Variants in FAM169A observed in about 807,000 individuals in gnomAD.
FAM169A encodes the protein family with sequence similarity 169 member A, also known as soluble lamin-associated protein of 75 kDa.
FAM169A carries 24 observed loss-of-function variants against 75.7 expected under a neutral mutation model. The ratio of observed to expected loss-of-function variants is 0.32; its 90% CI spans 0.23 to 0.45. The LOEUF (loss-of-function observed/expected upper bound fraction) is 0.45, where lower values mean the gene tolerates loss of function less well. FAM169A is among the 20% of genes least tolerant of loss of function. The pLI is 1.00. For synonymous variants in FAM169A, 271 were observed against 271.0 expected, an observed-to-expected ratio of 1.00 and a Z score of 0.00; for missense variants, 673 against 784.0, an observed-to-expected ratio of 0.86 and a Z score of 1.69.
chr5:74,838,001 C>T (rs893918591), intron 4 of FAM169A, among the ~76,000 whole-genome samples: 1 of 150,962 alleles, frequency 6.6e-6, no homozygotes, highest in African/African-American at 2.4e-5. Flanking sequence ...TCTGTAATCC[C>T]AGCTACTCGG....
chr5:74,866,885 G>A, upstream of FAM169A: 1 of 985,524 alleles, frequency 1.0e-6, no homozygotes, highest in Non-Finnish European at 1.2e-6. Flanking sequence ...AGGACCGCCG[G>A]CCTCCGCCCC....
intron 5 of FAM169A, among the ~76,000 whole-genome samples, chr5:74,832,664 T>C (rs1450736613): frequency 1.3e-5 from 2 of 149,448 alleles, no homozygotes; most frequent in Admixed American, 6.7e-5. Flanking sequence ...CATTTATTTA[T>C]ATATATATAC....
At chr5:74,797,714 G>A (rs1746352293) in intron 10 of FAM169A, among the ~76,000 whole-genome samples, 1 of 152,100 alleles carries the variant, frequency 6.6e-6, no homozygotes, top group Non-Finnish European at 1.5e-5. Flanking sequence ...ATCATACTGG[G>A]CAGTGTAAAT....
intron 11 of FAM169A, among the ~76,000 whole-genome samples, chr5:74,795,562 T>C (rs1479588126): frequency 6.6e-6 from 1 of 152,236 alleles, no homozygotes; most frequent in Non-Finnish European, 1.5e-5. Context: ...AATTTAGTTA[T>C]TTTTCCAGAA....
chr5:74,788,355 G>A (rs1303438377), intron 11 of FAM169A, among the ~76,000 whole-genome samples: 1 of 152,118 alleles, frequency 6.6e-6, no homozygotes, highest in African/African-American at 2.4e-5. Flanking sequence ...GTGGGGTGAG[G>A]GCTATTATGG....
At chr5:74,840,471 T>C (rs1580150824) in intron 2 of FAM169A, among the ~76,000 whole-genome samples, 1 of 150,236 alleles carries the variant, frequency 6.7e-6, no homozygotes. Context: ...AAAAAACAAC[T>C]ATAATTTATC....
At position 74,834,584 on chromosome 5, in the gene FAM169A, C is replaced by G; in HGVS notation, c.332G>C (p.Gly111Ala). ...CAGAACATACAGAACCACTCTCTCCCCAAGAGTGCTCACCTACAAAGAGAG... is the reference window on the plus strand; with the variant it reads ...CAGAACATACAGAACCACTCTCTCCGCAAGAGTGCTCACCTACAAAGAGAG... Reference protein sequence around the residue: ...REGLKQVSTLGERVVLYVLNR... With the variant: ...REGLKQVSTLAERVVLYVLNR... Residue 111 changes from glycine to alanine, a missense_variant, in exon 5 of 13, where the codon GGG (glycine) becomes GCG (alanine). This residue lies in a region of FAM169A where 107 missense variants were observed against 180.8 expected (regional missense o/e 0.59). Coordinates refer to ENST00000687041, the MANE Select transcript of FAM169A (RefSeq NM_001376049.1). The G allele has an allele frequency of 6.4e-7, 1 of 1,564,726 alleles. No individual in the cohort carries two copies. Among genetic ancestry groups the G allele is most frequent in the Non-Finnish European group, 8.6e-7 (1 of 1,159,596 alleles).
Position 74,866,350 on chromosome 5 carries a change from G to C in FAM169A, c.-189C>G, listed in dbSNP as rs1008641291. The C allele has an allele frequency of 2.0e-4, 197 of 984,354 alleles. No individual in the cohort carries two copies. The highest frequency in any genetic ancestry group is 2.3e-4 in the Non-Finnish European group (190 of 829,650). The allele number at this position is 984,354 out of a possible 1,614,324, so 61.0% of individuals were successfully genotyped here. A position where few individuals can be genotyped will look rare whatever the true frequency, so the allele number is the denominator to read the frequency against. ...ACGCCCGGCTCCTCGTCGCGGGTCG[G>C]CCGCGGCCCACCGTGCCCTCCGACG... On this transcript the variant is annotated 5_prime_UTR_variant, in exon 1 of 13. Coordinates refer to ENST00000687041, the MANE Select transcript of FAM169A (RefSeq NM_001376049.1).
chr5:74,837,563 G>A (rs575428075), intron 4 of FAM169A, among the ~76,000 whole-genome samples: 31 of 152,192 alleles, frequency 2.0e-4, no homozygotes, highest in African/African-American at 6.5e-4. Context: ...CTAGTAACCC[G>A]CAAGTTTCTT....
rs1238276714 is a variant in FAM169A, at chr5:74,802,385, T to TA, written c.913-757dup. On this transcript the variant is annotated intron_variant, in intron 8 of 12. Coordinates refer to ENST00000687041, the MANE Select transcript of FAM169A (RefSeq NM_001376049.1). Reference sequence around the variant, plus strand: ...ATCACAAATTGTACCATTTTTTTGATAAAAAAAAAAAGAGGAAAAAACTTT... The same window carrying TA: ...ATCACAAATTGTACCATTTTTTTGATAAAAAAAAAAAAGAGGAAAAAACTTT... Among the ~76,000 whole-genome samples, 486 of 142,024 alleles carry TA rather than the reference T, an allele frequency of 3.4e-3. 2 individuals are homozygous for TA. Among genetic ancestry groups the TA allele is most frequent in the African/African-American group, 6.4e-3 (249 of 38,958 alleles). 93.2% of individuals were successfully genotyped at this position (142,024 alleles called of 152,430 possible).
At chr5:74,832,825 G>C (rs1322741298) in intron 5 of FAM169A, among the ~76,000 whole-genome samples, 3 of 151,832 alleles carry the variant, frequency 2.0e-5, no homozygotes, top group African/African-American at 7.3e-5. Context: ...GCTAGTATAA[G>C]CCCACTTAAC....
intron 11 of FAM169A, among the ~76,000 whole-genome samples, chr5:74,786,891 C>G (rs973228076): frequency 6.6e-6 from 1 of 152,134 alleles, no homozygotes. Context: ...AATGGGGACA[C>G]GTGGGAGGAC....
At chr5:74,845,446 A>C (rs1453655057) in intron 1 of FAM169A, among the ~76,000 whole-genome samples, 1 of 152,134 alleles carries the variant, frequency 6.6e-6, no homozygotes, top group Non-Finnish European at 1.5e-5. Context: ...TGAACCTGTG[A>C]GGTGGAGGTT....
chr5:74,827,811 C>T lies in FAM169A; in HGVS notation c.490+6615G>A, dbSNP rs757802469. On this transcript the variant is annotated intron_variant, in intron 5 of 12. Transcript: ENST00000687041. The stretch of plus-strand genomic sequence containing the variant: ...CTGAGTAGCTGGAATTACAGGAACC[C>T]GCCATCATGCCCGGCTAATTTTTGT... Among the ~76,000 whole-genome samples, 6 of 151,456 alleles carry T rather than the reference C, an allele frequency of 4.0e-5. No homozygotes were observed. The South Asian group carries it at 6.3e-4, about 16-fold the overall frequency.
chr5:74,857,572 GAAA>G (rs35476827), intron 1 of FAM169A, among the ~76,000 whole-genome samples: 59 of 56,276 alleles, frequency 1.0e-3, no homozygotes, highest in African/African-American at 2.6e-3. Flanking sequence ...CTTGCCGCGG[GAAA>G]AAAAAAAAAA....
rs1746546127 is a variant in FAM169A at position 74,801,042 on chromosome 5, A to C, written c.953-12T>G. ...TGTTTTATCATGACCTGAGGAGAAA[A>C]ACAGCAAAACTGCACTTAATTGATT... On this transcript the variant is annotated splice_polypyrimidine_tract_variant and intron_variant, in intron 9 of 12. Coordinates refer to ENST00000687041, the MANE Select transcript of FAM169A (RefSeq NM_001376049.1). The C allele has an allele frequency of 6.6e-7, 1 of 1,520,118 alleles. No individual in the cohort carries two copies. Among genetic ancestry groups the C allele is most frequent in the Admixed American group, 2.2e-5 (1 of 46,322 alleles). The allele number at this position is 1,520,118 out of a possible 1,614,324, so 94.2% of individuals were successfully genotyped here. A position where few individuals can be genotyped will look rare whatever the true frequency, so the allele number is the denominator to read the frequency against.
At chr5:74,810,182 G>A in intron 6 of FAM169A, among the ~76,000 whole-genome samples, 1 of 152,104 alleles carries the variant, frequency 6.6e-6, no homozygotes, top group East Asian at 1.9e-4. Context: ...CAACATCAAT[G>A]AGCCTCAAAA....
intron 10 of FAM169A, among the ~76,000 whole-genome samples, chr5:74,796,425 A>G (rs1389501154): frequency 1.4e-5 from 2 of 147,534 alleles, no homozygotes; most frequent in Non-Finnish European, 3.0e-5. Flanking sequence ...TTTTTTTCCG[A>G]GATAAAGTCT....
rs1274080700 is a variant in FAM169A at position 74,784,635 on chromosome 5, A to T, written c.1261-1501T>A. 8.3e-4 allele frequency among the ~76,000 whole-genome samples: 56 copies of T among 67,092 alleles called. 2 individuals carry two copies. In the South Asian group the frequency reaches 0.024, roughly 29 times the overall value. The allele number at this position is 67,092 out of a possible 152,430, so 44.0% of individuals were successfully genotyped here. The stretch of plus-strand genomic sequence containing the variant: ...AAAAAAAAAAAAAAAAAAAAAAAAT[A>T]GGCTGGGCCACGGTGGCTCACACCT... On this transcript the variant is annotated intron_variant, in intron 11 of 12. Coordinates refer to ENST00000687041, the MANE Select transcript of FAM169A (RefSeq NM_001376049.1).
Sources: allele counts gnomAD v4.1 joint callset (sites outside exome capture counted in the v4.1 genomes callset), GRCh38; gene constraint gnomAD v4.1.1; regional missense constraint gnomAD v4.1.1; transcripts MANE v1.5; gene names NCBI Gene and HGNC (gene_info 2026-07-23, HGNC 2026-07-21).